The following EPC2 variants were observed in gnomAD, a reference collection of about 807,000 sequenced individuals.
EPC2 encodes the protein enhancer of polycomb homolog 2.
EPC2 carries 14 observed loss-of-function variants against 92.1 expected under a neutral mutation model. The observed-to-expected ratio is 0.15, with a 90% confidence interval of 0.10 to 0.24. EPC2 has a LOEUF of 0.24. EPC2 is among the 10% of genes least tolerant of loss of function. The probability of loss-of-function intolerance (pLI) is 1.00; values close to 1 mark genes in which losing one functional copy is unlikely to be tolerated. For missense variants in EPC2, 755 were observed against 971.5 expected, an observed-to-expected ratio of 0.78 and a Z score of 2.96; for synonymous variants, 340 against 334.7, an observed-to-expected ratio of 1.02 and a Z score of -0.17.
In EPC2 at chr2:148,690,356, A is replaced by G; in HGVS notation, c.296A>G (p.Gln99Arg). The G allele has an allele frequency of 6.3e-7, 1 of 1,596,340 alleles. No individual in the cohort carries two copies. The highest frequency in any genetic ancestry group is 8.5e-7 in the Non-Finnish European group (1 of 1,174,956). ...LYKGEFKQPK[Q>R]FIHIQPFNLD... ...AAAGGAGAGTTTAAACAGCCAAAAC[A>G]GTTCATTCATATTCAGCGTAAGTTT... Residue 99 changes from glutamine (Q) to arginine (R), a missense_variant, in exon 2 of 14, where the codon CAG becomes CGG. Physicochemically the swap from Gln to Arg is conservative, Grantham distance 43. This residue lies in a region of EPC2 where 509 missense variants were observed against 607.7 expected (regional missense o/e 0.84). Coordinates refer to ENST00000258484, the MANE Select transcript of EPC2 (RefSeq NM_015630.4).
chr2:148,747,315 C>T (rs1683003957), intron 3 of EPC2, among the ~76,000 whole-genome samples: 1 of 152,054 alleles, frequency 6.6e-6, no homozygotes, highest in Non-Finnish European at 1.5e-5. Context: ...CTACCTTTTA[C>T]TCCTGTAGAA....
At chr2:148,740,886 T>G (rs1682868740) in intron 2 of EPC2, among the ~76,000 whole-genome samples, 1 of 152,192 alleles carries the variant, frequency 6.6e-6, no homozygotes, top group Non-Finnish European at 1.5e-5. Context: ...GGACTGTCAT[T>G]ATGTGCATTT....
chr2:148,766,543 A>C (rs1683412779), intron 7 of EPC2, among the ~76,000 whole-genome samples: 1 of 152,200 alleles, frequency 6.6e-6, no homozygotes, highest in Non-Finnish European at 1.5e-5. Context: ...GACATTTATC[A>C]GATGACCATT....
chr2:148,722,717 C>A (rs1345619582), intron 2 of EPC2, among the ~76,000 whole-genome samples: 2 of 152,162 alleles, frequency 1.3e-5, no homozygotes, highest in Non-Finnish European at 2.9e-5. Flanking sequence ...AAAGACACAT[C>A]CACATGTATG....
chr2:148,705,854 A>G (rs1287261712), intron 2 of EPC2, among the ~76,000 whole-genome samples: 1 of 152,222 alleles, frequency 6.6e-6, no homozygotes, highest in Non-Finnish European at 1.5e-5. Context: ...GGTCACCATC[A>G]TCAAAGACCA....
At chr2:148,700,690 CTTTTTTT>C (rs77147387) in intron 2 of EPC2, among the ~76,000 whole-genome samples, 2 of 139,874 alleles carry the variant, frequency 1.4e-5, no homozygotes, top group African/African-American at 2.6e-5. Context: ...GCCCTTTTTA[CTTTTTTT>C]TTTTTTTTAG....
intron 2 of EPC2, among the ~76,000 whole-genome samples, chr2:148,709,210 C>A (rs1212338096): frequency 6.6e-6 from 1 of 152,156 alleles, no homozygotes; most frequent in Non-Finnish European, 1.5e-5. Flanking sequence ...AACAGACAAA[C>A]AGAGGCCAAA....
chr2:148,696,324 G>A (rs1681744085), intron 2 of EPC2, among the ~76,000 whole-genome samples: 1 of 152,290 alleles, frequency 6.6e-6, no homozygotes, highest in Admixed American at 6.5e-5. Context: ...TGTGTGAAAA[G>A]CAAACTAATC....
intron 2 of EPC2, chr2:148,691,571 A>G (rs1428443969): frequency 6.4e-7 from 1 of 1,550,540 alleles, no homozygotes; most frequent in Non-Finnish European, 8.7e-7. Flanking sequence ...GCTGTTGTTC[A>G]GGATTGAAGT....
intron 2 of EPC2, among the ~76,000 whole-genome samples, chr2:148,712,349 T>C (rs1682163953): frequency 6.6e-6 from 1 of 152,138 alleles, no homozygotes; most frequent in South Asian, 2.1e-4. Flanking sequence ...GTTGTACAAG[T>C]ACTTTATAAT....
Position 148,692,832 on chromosome 2 carries a change from G to A in EPC2, c.313+2459G>A, listed in dbSNP as rs1681670516. 3.3e-5 allele frequency: 5 copies of A among 152,168 alleles called. No homozygotes were observed. The South Asian group carries it at 1.0e-3, about 32-fold the overall frequency. The allele number at this position is 152,168 out of a possible 1,614,324, so 9.4% of individuals were successfully genotyped here. On this transcript the variant is annotated intron_variant, in intron 2 of 13. Transcript: ENST00000258484. ...ATCGAATACAATAAACATTATTCTT[G>A]TGTTGGTTTTTTTCATTTCATTTTA...
intron 3 of EPC2, among the ~76,000 whole-genome samples, chr2:148,752,456 G>A (rs1683098021): frequency 1.3e-5 from 2 of 152,132 alleles, no homozygotes; most frequent in African/African-American, 2.4e-5. Flanking sequence ...TCCACTTAAA[G>A]GTGGATGTTT....
chr2:148,671,286 G>GTTTTTTTTTTTTTT (rs369058386), intron 1 of EPC2, among the ~76,000 whole-genome samples: 1 of 130,652 alleles, frequency 7.7e-6, no homozygotes, highest in African/African-American at 3.0e-5. Context: ...TGTGGATTGT[G>GTTTTTTTTTTTTTT]ATTTTTTTTT....
At chr2:148,726,678 C>G (rs1040367343) in intron 2 of EPC2, among the ~76,000 whole-genome samples, 1 of 144,748 alleles carries the variant, frequency 6.9e-6, no homozygotes, top group Admixed American at 6.9e-5. Flanking sequence ...TGTATATCTT[C>G]TTTGAAGACC....
chr2:148,758,358 T>C (rs1683232703), intron 4 of EPC2, among the ~76,000 whole-genome samples: 1 of 152,132 alleles, frequency 6.6e-6, no homozygotes, highest in East Asian at 1.9e-4. Context: ...GATGGTAAAA[T>C]AGTGTTTCTG....
chr2:148,766,869 A>G (rs1683420132), intron 7 of EPC2, among the ~76,000 whole-genome samples: 1 of 152,182 alleles, frequency 6.6e-6, no homozygotes, highest in Non-Finnish European at 1.5e-5. Flanking sequence ...AAGTTTTGCT[A>G]TATATTTCCA....
chr2:148,669,426 C>T (rs952231535), intron 1 of EPC2, among the ~76,000 whole-genome samples: 1 of 152,174 alleles, frequency 6.6e-6, no homozygotes, highest in African/African-American at 2.4e-5. Flanking sequence ...CTTGTAATCC[C>T]AGCACTTTGA....
intron 3 of EPC2, 87 bp from the exon 4 acceptor site, chr2:148,753,838 CTG>C: frequency 9.7e-7 from 1 of 1,031,310 alleles, no homozygotes; most frequent in Non-Finnish European, 1.4e-6. Context: ...GTTATTGAAA[CTG>C]GTCGCATTTT....
intron 13 of EPC2, among the ~76,000 whole-genome samples, chr2:148,785,698 C>T (rs1683852701): frequency 1.3e-5 from 2 of 152,184 alleles, no homozygotes; most frequent in Admixed American, 6.5e-5. Context: ...TTAGGTTTCA[C>T]ATCCAAATTT....
Sources: gnomAD v4.1 joint callset for allele counts (sites outside exome capture counted in the v4.1 genomes callset) on GRCh38, gnomAD v4.1.1 for gene constraint, gnomAD v4.1.1 regional missense constraint, MANE v1.5 for transcripts, NCBI Gene and HGNC (gene_info 2026-07-23, HGNC 2026-07-21) for gene names.